The following MYOM1 variants were observed in gnomAD, a reference collection of about 807,000 sequenced individuals.
The protein encoded by MYOM1 is myomesin-1.
Under a neutral mutation model 205.3 loss-of-function variants are expected in MYOM1, and 164 were observed. The ratio of observed to expected loss-of-function variants is 0.80; its 90% CI spans 0.70 to 0.91. The LOEUF is 0.91. Ranked by LOEUF, MYOM1 falls within the 40% of genes least tolerant of loss-of-function variation. MYOM1 has a pLI of 0.00. For synonymous variants in MYOM1, 772 were observed against 789.4 expected (o/e 0.98, Z 0.37); for missense variants, 2,011 against 2,127.3 (o/e 0.95, Z 1.08).
intron 20 of MYOM1, 82 bp from the exon 21 acceptor site, chr18:3,116,597 C>G: frequency 8.0e-7 from 1 of 1,253,172 alleles, no homozygotes; most frequent in Non-Finnish European, 1.1e-6. Context: ...TGTAAGTCTT[C>G]AAGCTAATCT....
chr18:3,196,388 T>C (rs2080990320), intron 2 of MYOM1, among the ~76,000 whole-genome samples: 2 of 152,180 alleles, frequency 1.3e-5, no homozygotes, highest in Non-Finnish European at 2.9e-5. Flanking sequence ...AAATAAGGGA[T>C]TGCTAACCCC....
chr18:3,223,176 TG>T (rs1399832690), upstream of MYOM1, among the ~76,000 whole-genome samples: 4 of 152,246 alleles, frequency 2.6e-5, no homozygotes. Flanking sequence ...CCACCATGTC[TG>T]GCTGTAAATC....
At chr18:3,087,959 A>G (rs147597554) in intron 29 of MYOM1, among the ~76,000 whole-genome samples, 1 of 152,354 alleles carries the variant, frequency 6.6e-6, no homozygotes, top group Non-Finnish European at 1.5e-5. Context: ...ACAAAGAGCT[A>G]TGCGAAGACA....
At chr18:3,170,083 G>A (rs748932409) in intron 8 of MYOM1, among the ~76,000 whole-genome samples, 6 of 152,212 alleles carry the variant, frequency 3.9e-5, no homozygotes, top group Non-Finnish European at 8.8e-5. Context: ...TCAAATGTGA[G>A]AGCTAAAAAG....
chr18:3,097,566 C>T (rs2079321921), intron 25 of MYOM1, among the ~76,000 whole-genome samples: 1 of 151,568 alleles, frequency 6.6e-6, no homozygotes, highest in Admixed American at 6.6e-5. Context: ...TGCGGCCACA[C>T]CTGGCTAATT....
intron 34 of MYOM1, among the ~76,000 whole-genome samples, chr18:3,076,206 A>C (rs1389763346): frequency 6.6e-6 from 1 of 152,066 alleles, no homozygotes; most frequent in African/African-American, 2.4e-5. Context: ...GGGGCCACTC[A>C]AGTAGCATGC....
At chr18:3,211,249 A>G (rs888353634) in intron 2 of MYOM1, among the ~76,000 whole-genome samples, 2 of 152,234 alleles carry the variant, frequency 1.3e-5, no homozygotes, top group African/African-American at 4.8e-5. Flanking sequence ...TTCTGTAAAC[A>G]TCTGCCTTAT....
chr18:3,090,900 T>C, intron 26 of MYOM1, 98 bp from the exon 27 acceptor site: 1 of 1,442,310 alleles, frequency 6.9e-7, no homozygotes, highest in Non-Finnish European at 9.5e-7. Context: ...CCCCAAAGGC[T>C]AGATGCAGTG....
At chr18:3,227,123 AATAG>A in the MYOM1 span, among the ~76,000 whole-genome samples, 12 of 152,198 alleles carry the variant, frequency 7.9e-5, no homozygotes, top group African/African-American at 2.9e-4. Context: ...TCTATTCATA[AATAG>A]ATATCTGGTA....
At chr18:3,171,550 T>C (rs966956902) in intron 8 of MYOM1, among the ~76,000 whole-genome samples, 2 of 152,106 alleles carry the variant, frequency 1.3e-5, no homozygotes, top group Non-Finnish European at 2.9e-5. Context: ...CATCATTTCG[T>C]TGTCACGTCC....
At chr18:3,147,099 T>C (rs2080136531) in intron 13 of MYOM1, among the ~76,000 whole-genome samples, 1 of 141,492 alleles carries the variant, frequency 7.1e-6, no homozygotes, top group African/African-American at 2.7e-5. Flanking sequence ...ACATTATAGA[T>C]AAATATATAT....
In MYOM1 at chr18:3,148,954, T is replaced by C. The variant is rs993880279; in HGVS notation, c.1900+191A>G. On this transcript the variant is annotated intron_variant, in intron 13 of 37. Transcript: ENST00000356443. ...TGTTACATATTTGCAGTATACCGTA[T>C]GACAATTACACCTCAAGAAAGCTTT... Among the ~76,000 whole-genome samples, 3 of 151,454 alleles carry C rather than the reference T, an allele frequency of 2.0e-5. No individual in the cohort carries two copies. The South Asian group carries it at 6.2e-4, about 31-fold the overall frequency.
At chr18:3,155,415 G>A (rs543198019) in intron 10 of MYOM1, among the ~76,000 whole-genome samples, 112 of 152,222 alleles carry the variant, frequency 7.4e-4, no homozygotes, top group South Asian at 2.5e-3. Flanking sequence ...TGGTAGAGAT[G>A]GGGTTTCACC....
rs2080604088 is a variant in MYOM1, at chr18:3,174,356, T to A, written c.1023-148A>T. On this transcript the variant is annotated intron_variant, in intron 6 of 37. Transcript: ENST00000356443. ...TTGGTTCTCCTGGTACAGCTATTTG[T>A]CTCTGATCTAGCTACCTGTGGGATA... is the stretch of plus-strand genomic sequence containing the variant. 6.0e-6 allele frequency: 4 copies of A among 667,164 alleles called. No individual in the cohort carries two copies. In the East Asian group the frequency reaches 1.1e-4, roughly 18 times the overall value. 41.3% of individuals were successfully genotyped at this position (667,164 alleles called of 1,614,324 possible).
At chr18:3,140,664 T>A (rs1255419667) in intron 14 of MYOM1, among the ~76,000 whole-genome samples, 1 of 152,204 alleles carries the variant, frequency 6.6e-6, no homozygotes, top group Non-Finnish European at 1.5e-5. Context: ...TACACCTACA[T>A]ACCTATGAAA....
intron 2 of MYOM1, among the ~76,000 whole-genome samples, chr18:3,199,748 G>A (rs2081042212): frequency 6.6e-6 from 1 of 152,156 alleles, no homozygotes; most frequent in Non-Finnish European, 1.5e-5. Flanking sequence ...GCTGAGGCAG[G>A]AGAATCACTT....
At chr18:3,242,565 G>A in the MYOM1 span, among the ~76,000 whole-genome samples, 20 of 152,160 alleles carry the variant, frequency 1.3e-4, no homozygotes, top group Non-Finnish European at 2.8e-4. Context: ...CTTGAGGGCA[G>A]CGGCATGATC....
chr18:3,245,215 T>C, the MYOM1 span, among the ~76,000 whole-genome samples: 2 of 152,232 alleles, frequency 1.3e-5, no homozygotes, highest in Non-Finnish European at 2.9e-5. Context: ...TTGAAAAACA[T>C]TATAGGTAGT....
the MYOM1 span, among the ~76,000 whole-genome samples, chr18:3,225,841 A>G: frequency 6.6e-6 from 1 of 152,224 alleles, no homozygotes; most frequent in African/African-American, 2.4e-5. Flanking sequence ...GGCTGAGGAC[A>G]AAGAACAGGT....
Sources: gnomAD v4.1 joint callset for allele counts (sites outside exome capture counted in the v4.1 genomes callset) on GRCh38, gnomAD v4.1.1 for gene constraint, MANE v1.5 for transcripts, NCBI Gene and HGNC (gene_info 2026-07-23, HGNC 2026-07-21) for gene names.